Variants in ZNF236 observed in about 807,000 individuals in gnomAD.
ZNF236 encodes the protein zinc finger protein 236.
A neutral mutation model predicts 191.2 loss-of-function variants in ZNF236; 50 were observed. That is an observed-to-expected ratio of 0.26 (90% CI 0.21 to 0.33). The LOEUF (loss-of-function observed/expected upper bound fraction) is 0.33. ZNF236 is among the 10% of genes least tolerant of loss of function. ZNF236 has a pLI of 1.00. For missense variants in ZNF236, 1,754 were observed against 2,374.5 expected (o/e 0.74, Z 5.43); for synonymous variants, 907 against 928.8 (o/e 0.98, Z 0.43).
At chr18:76,937,568 A>G (rs1471404806) in intron 26 of ZNF236, among the ~76,000 whole-genome samples, 2 of 152,194 alleles carry the variant, frequency 1.3e-5, no homozygotes, top group East Asian at 3.8e-4. Flanking sequence ...CAAAGCTGTA[A>G]TCCCACCACC....
chr18:76,824,996 A>G (rs1157331920), intron 1 of ZNF236, among the ~76,000 whole-genome samples: 1 of 152,222 alleles, frequency 6.6e-6, no homozygotes, highest in Non-Finnish European at 1.5e-5. Flanking sequence ...AAAAGCGTGC[A>G]TTGGCTTCCT....
intron 1 of ZNF236, among the ~76,000 whole-genome samples, chr18:76,838,851 G>T (rs1273290023): frequency 6.6e-6 from 1 of 152,124 alleles, no homozygotes; most frequent in Non-Finnish European, 1.5e-5. Flanking sequence ...ACATTAAGTG[G>T]CACCCTAAGA....
intron 1 of ZNF236, among the ~76,000 whole-genome samples, chr18:76,829,624 G>C (rs891066647): frequency 6.6e-6 from 1 of 152,202 alleles, no homozygotes; most frequent in African/African-American, 2.4e-5. Flanking sequence ...ATGGCACCCA[G>C]CCGGTTTATG....
chr18:76,873,303 C>A (rs1022120230), intron 5 of ZNF236, among the ~76,000 whole-genome samples: 1 of 152,088 alleles, frequency 6.6e-6, no homozygotes, highest in Non-Finnish European at 1.5e-5. Context: ...ATAAATATAC[C>A]GACATCATGA....
chr18:76,831,572 T>C (rs1330016665), intron 1 of ZNF236, among the ~76,000 whole-genome samples: 2 of 152,096 alleles, frequency 1.3e-5, no homozygotes, highest in Admixed American at 6.6e-5. Flanking sequence ...GACTGCTGGG[T>C]TGTATGGGAA....
At chr18:76,930,182 A>G (rs1362750043) in intron 25 of ZNF236, among the ~76,000 whole-genome samples, 1 of 152,210 alleles carries the variant, frequency 6.6e-6, no homozygotes, top group Non-Finnish European at 1.5e-5. Flanking sequence ...AGGTGATAAT[A>G]CATTTTCTAC....
chr18:76,824,509 A>C lies in ZNF236; in HGVS notation c.55+1847A>C, dbSNP rs573067975. 40 of 777,018 alleles carry C rather than the reference A, an allele frequency of 5.1e-5. No homozygotes were observed. The South Asian group carries it at 5.4e-4, about 10-fold the overall frequency. The allele number at this position is 777,018 out of a possible 1,614,324, so 48.1% of individuals were successfully genotyped here. On this transcript the variant is annotated intron_variant, in intron 1 of 30. Transcript: ENST00000320610. ...GTCTTTGTTGCCTCTCCCGCTTTTG[A>C]GTTTTGGCCTTGACCTTATTTCGTT...
At chr18:76,949,700 C>T (rs900160720) in intron 27 of ZNF236, among the ~76,000 whole-genome samples, 1 of 139,242 alleles carries the variant, frequency 7.2e-6, no homozygotes, top group Admixed American at 7.4e-5. Context: ...GCTCTGTTGC[C>T]CAGGCTAGAG....
At chr18:76,923,722 C>T (rs768200464) in intron 21 of ZNF236, among the ~76,000 whole-genome samples, 88 of 152,266 alleles carry the variant, frequency 5.8e-4, no homozygotes, top group Non-Finnish European at 9.6e-4. Flanking sequence ...CTGTAGTCCT[C>T]CTGTGAGCTC....
intron 26 of ZNF236, among the ~76,000 whole-genome samples, chr18:76,944,305 G>A (rs1311419344): frequency 6.6e-6 from 1 of 152,156 alleles, no homozygotes; most frequent in Non-Finnish European, 1.5e-5. Context: ...GCAAATTCCT[G>A]TAATCTTTAC....
At chr18:76,861,214 C>T (rs968224715) in intron 3 of ZNF236, among the ~76,000 whole-genome samples, 2 of 152,228 alleles carry the variant, frequency 1.3e-5, no homozygotes, top group African/African-American at 4.8e-5. Flanking sequence ...GTGCCTCCCT[C>T]ACCTGGCAGG....
At chr18:76,900,640 A>G (rs1257929880) in intron 11 of ZNF236, among the ~76,000 whole-genome samples, 3 of 152,216 alleles carry the variant, frequency 2.0e-5, no homozygotes, top group African/African-American at 4.8e-5. Context: ...ACTGCATACT[A>G]CACATGTGAG....
chr18:76,920,146 G>A, intron 20 of ZNF236, 88 bp downstream of exon 20: 1 of 1,458,422 alleles, frequency 6.9e-7, no homozygotes, highest in South Asian at 1.4e-5. Flanking sequence ...CTGCAGCAGG[G>A]CCATTAGTTT....
Position 76,942,661 on chromosome 18 carries a change from G to A in ZNF236, c.4783-4860G>A, listed in dbSNP as rs973123451. Among the ~76,000 whole-genome samples the A allele has an allele frequency of 3.4e-4, 52 of 151,074 alleles. No homozygotes were observed. In the East Asian group the frequency reaches 8.9e-3, roughly 26 times the overall value. On this transcript the variant is annotated intron_variant, in intron 26 of 30. Transcript: ENST00000320610. ...TGAGTAGCTGGGACCACAGGCGCCC[G>A]CCACCATGCCCGGCTACCTTTTTTG...
At chr18:76,922,039 C>T (rs758546694) in intron 20 of ZNF236, among the ~76,000 whole-genome samples, 8 of 152,042 alleles carry the variant, frequency 5.3e-5, no homozygotes, top group East Asian at 1.9e-4. Context: ...TTAAGTTGTA[C>T]GATTCTGGTT....
rs780026489 is a variant in ZNF236, at chr18:76,843,775, CAAAAAAAAAA to C, written c.56-5730_56-5721del. On this transcript the variant is annotated intron_variant, in intron 1 of 30. Coordinates refer to ENST00000320610, the MANE Select transcript of ZNF236 (RefSeq NM_001306089.2). ...TGGGCTACAGAGGGAGACTCCGTCT[CAAAAAAAAAA>C]AAAAAAAAAAAAAAAAAAAAGTAAA... Among the ~76,000 whole-genome samples the C allele has an allele frequency of 3.0e-3, 25 of 8,260 alleles. 2 individuals carry two copies. The highest frequency in any genetic ancestry group is 0.011 in the East Asian group (2 of 174). The allele number at this position is 8,260 out of a possible 152,430, so 5.4% of individuals were successfully genotyped here. A position where few individuals can be genotyped will look rare whatever the true frequency, so the allele number is the denominator to read the frequency against.
chr18:76,833,641 C>T (rs1975236336), intron 1 of ZNF236, among the ~76,000 whole-genome samples: 1 of 152,006 alleles, frequency 6.6e-6, no homozygotes, highest in Non-Finnish European at 1.5e-5. Flanking sequence ...CATTGGACTA[C>T]AATTTTATTT....
chr18:76,923,561 TG>T (rs1053399639), intron 21 of ZNF236, among the ~76,000 whole-genome samples: 1 of 152,230 alleles, frequency 6.6e-6, no homozygotes, highest in African/African-American at 2.4e-5. Flanking sequence ...TATTTTTATA[TG>T]GGGAGAAACT....
intron 3 of ZNF236, among the ~76,000 whole-genome samples, chr18:76,857,051 A>G (rs1428528513): frequency 1.3e-5 from 2 of 151,634 alleles, no homozygotes; most frequent in East Asian, 3.9e-4. Flanking sequence ...GCCTCCCCCT[A>G]GTTCCCACGT....
Sources: allele counts gnomAD v4.1 joint callset (sites outside exome capture counted in the v4.1 genomes callset), GRCh38; gene constraint gnomAD v4.1.1; transcripts MANE v1.5; gene names NCBI Gene and HGNC (gene_info 2026-07-23, HGNC 2026-07-21).